HYDIN: variants seen among roughly 807,000 people sequenced by gnomAD.
HYDIN encodes axonemal central pair apparatus protein HYDIN.
HYDIN carries 132 observed loss-of-function variants against 403.9 expected under a neutral mutation model. The observed-to-expected ratio is 0.33, with a 90% confidence interval of 0.28 to 0.38. The LOEUF (loss-of-function observed/expected upper bound fraction) is 0.38. Among genes scored for constraint, HYDIN ranks in the 10% least tolerant of loss-of-function variants. HYDIN has a pLI of 1.00. For synonymous variants in HYDIN, 1,202 were observed against 1,891.7 expected (o/e 0.64, Z 9.46); for missense variants, 2,827 against 5,009.5 (o/e 0.56, Z 13.15).
intron 5 of HYDIN, among the ~76,000 whole-genome samples, chr16:71,174,370 C>T (rs1193302660): frequency 1.3e-5 from 2 of 152,120 alleles, no homozygotes; most frequent in African/African-American, 4.8e-5. Flanking sequence ...TAGGTACTAG[C>T]GGTGGAGAAG....
rs569685367 is a variant in HYDIN, at chr16:70,957,361, C to CT, written c.6143-1814dup. On this transcript the variant is annotated intron_variant, in intron 39 of 85. Transcript: ENST00000393567. ...TTTTTTTTTGAGATGGAGTCTCGCC[C>CT]TGTAGCCCAGGCTGGAGTGCAATGG... Among the ~76,000 whole-genome samples, 742 of 151,170 alleles carry CT rather than the reference C, an allele frequency of 4.9e-3. 4 individuals carry two copies. Among genetic ancestry groups the CT allele is most frequent in the South Asian group, 0.011 (54 of 4,764 alleles).
At chr16:71,010,231 T>C (rs1482700000) in intron 23 of HYDIN, among the ~76,000 whole-genome samples, 1 of 151,774 alleles carries the variant, frequency 6.6e-6, no homozygotes, top group Non-Finnish European at 1.5e-5. Flanking sequence ...GCTAAATGCT[T>C]ACTTTTGGCT....
intron 4 of HYDIN, among the ~76,000 whole-genome samples, chr16:71,178,453 GTA>G (rs1414298629): frequency 2.3e-5 from 3 of 131,040 alleles, no homozygotes; most frequent in East Asian, 2.1e-4. Context: ...ATATATATAT[GTA>G]TATATATATA....
intron 21 of HYDIN, among the ~76,000 whole-genome samples, chr16:71,025,089 AT>A (rs2080645594): frequency 6.6e-6 from 1 of 152,186 alleles, no homozygotes; most frequent in South Asian, 2.1e-4. Flanking sequence ...ATTTTACCTG[AT>A]TAAAGTAAGA....
At chr16:71,197,034 G>A (rs1317391373) in intron 1 of HYDIN, among the ~76,000 whole-genome samples, 2 of 152,080 alleles carry the variant, frequency 1.3e-5, no homozygotes, top group Non-Finnish European at 2.9e-5. Flanking sequence ...TTTATTCTGT[G>A]GACTTGACCT....
At chr16:70,944,009 C>G (rs533569178) in intron 41 of HYDIN, 60 bp from the exon 42 acceptor site, 2 of 1,257,282 alleles carry the variant, frequency 1.6e-6, no homozygotes, top group Admixed American at 4.0e-5. Context: ...ACAACTCCTA[C>G]ACTTACCAGC....
At chr16:71,020,602 A>T (rs1308458474) in intron 21 of HYDIN, among the ~76,000 whole-genome samples, 1 of 152,164 alleles carries the variant, frequency 6.6e-6, no homozygotes, top group African/African-American at 2.4e-5. Flanking sequence ...TGAGGTCAGG[A>T]GTTTGAGACC....
At chr16:71,082,781 C>T (rs1421441616) in intron 12 of HYDIN, among the ~76,000 whole-genome samples, 2 of 116,672 alleles carry the variant, frequency 1.7e-5, no homozygotes, top group Non-Finnish European at 3.2e-5. Context: ...AAAATTCACC[C>T]AGGAAATTAC....
intron 10 of HYDIN, among the ~76,000 whole-genome samples, chr16:71,102,109 T>C (rs2083472269): frequency 6.6e-6 from 1 of 152,108 alleles, no homozygotes; most frequent in Non-Finnish European, 1.5e-5. Flanking sequence ...TATATTGTTA[T>C]GGGTTATACC....
At chr16:70,884,954 G>A (rs529984480) in intron 58 of HYDIN, among the ~76,000 whole-genome samples, 251 of 152,368 alleles carry the variant, frequency 1.6e-3, no homozygotes, top group Non-Finnish European at 2.9e-3. Flanking sequence ...AGGGCAGAAT[G>A]CTTTTGGTGT....
chr16:70,982,083 G>A (rs1311796390), intron 28 of HYDIN, among the ~76,000 whole-genome samples: 5 of 146,186 alleles, frequency 3.4e-5, no homozygotes, highest in Admixed American at 6.9e-5. Flanking sequence ...AGCCGAGATC[G>A]CGCCACTGCA....
intron 73 of HYDIN, 136 bp from the exon 74 acceptor site, chr16:70,850,791 T>C (rs2038587632): frequency 1.4e-6 from 1 of 711,600 alleles, no homozygotes. Context: ...TTAAGATTTG[T>C]GGCTATAGTA....
At chr16:70,885,650 A>C (rs1478447768) in intron 58 of HYDIN, among the ~76,000 whole-genome samples, 1 of 151,794 alleles carries the variant, frequency 6.6e-6, no homozygotes, top group Non-Finnish European at 1.5e-5. Context: ...TTGCCAATGT[A>C]GAGGAGAGGA....
chr16:70,967,504 C>CA (rs2078613850), intron 36 of HYDIN, among the ~76,000 whole-genome samples: 1 of 151,370 alleles, frequency 6.6e-6, no homozygotes, highest in South Asian at 2.1e-4. Context: ...TTTTTTGAGA[C>CA]AGAGTCTCGC....
intron 18 of HYDIN, among the ~76,000 whole-genome samples, chr16:71,047,845 G>A (rs2081502570): frequency 6.6e-6 from 1 of 151,866 alleles, no homozygotes; most frequent in Non-Finnish European, 1.5e-5. Flanking sequence ...CATTCTTTGG[G>A]TTGACAACAT....
rs1394254001 is a variant in HYDIN at position 70,920,581 on chromosome 16, G to C, written c.7785+10C>G. ...CTTGAGACTTCCCCACCCTGGAGGA[G>C]AGTCCATACCTGCTCTCCTTTGGGA... On this transcript the variant is annotated intron_variant, in intron 46 of 85. Transcript: ENST00000393567. 1.3e-6 allele frequency: 2 copies of C among 1,595,330 alleles called. No individual in the cohort carries two copies. The highest frequency in any genetic ancestry group is 1.1e-5 in the South Asian group (1 of 88,404).
intron 1 of HYDIN, among the ~76,000 whole-genome samples, chr16:71,229,556 G>A (rs1316647393): frequency 2.0e-5 from 3 of 152,094 alleles, no homozygotes; most frequent in Admixed American, 6.5e-5. Flanking sequence ...AGAATAGTAC[G>A]CAGCAATGAA....
chr16:70,993,420 A>G (rs1336491620), intron 23 of HYDIN, among the ~76,000 whole-genome samples: 6 of 151,840 alleles, frequency 4.0e-5, no homozygotes. Flanking sequence ...CCACACTTTC[A>G]TAGAAATGAA....
At chr16:70,902,806 TATATATATATATA>T (rs1567798969) in intron 52 of HYDIN, among the ~76,000 whole-genome samples, 1 of 20,372 alleles carries the variant, frequency 4.9e-5, no homozygotes, top group Non-Finnish European at 9.9e-5. Flanking sequence ...TATATATATA[TATATATATATATA>T]TATTTTTTTT....
Sources: allele counts gnomAD v4.1 joint callset (sites outside exome capture counted in the v4.1 genomes callset), GRCh38; gene constraint gnomAD v4.1.1; transcripts MANE v1.5; gene names NCBI Gene and HGNC (gene_info 2026-07-23, HGNC 2026-07-21).